MDGA2: variants seen among roughly 807,000 people sequenced by gnomAD.
MDGA2 encodes the protein MAM domain-containing glycosylphosphatidylinositol anchor protein 2.
MDGA2 carries 40 observed loss-of-function variants against 117.8 expected under a neutral mutation model. That is an observed-to-expected ratio of 0.34 (90% CI 0.26 to 0.44). The LOEUF (loss-of-function observed/expected upper bound fraction) is 0.44, where lower values mean the gene tolerates loss of function less well. MDGA2 is among the 20% of genes least tolerant of loss of function. MDGA2 has a pLI of 1.00. For missense variants in MDGA2, 1,123 were observed against 1,250.6 expected (o/e 0.90, Z 1.54); for synonymous variants, 452 against 439.0 (o/e 1.03, Z -0.37).
At chr14:47,021,390 C>T (rs1254775784) in intron 8 of MDGA2, among the ~76,000 whole-genome samples, 2 of 152,104 alleles carry the variant, frequency 1.3e-5, no homozygotes, top group Admixed American at 1.3e-4. Context: ...AATTTTAATT[C>T]ATCGGGCACT....
intron 1 of MDGA2, among the ~76,000 whole-genome samples, chr14:47,478,047 T>C (rs890997829): frequency 6.6e-6 from 1 of 152,202 alleles, no homozygotes; most frequent in Admixed American, 6.5e-5. Flanking sequence ...TGCTGGAACA[T>C]ATTATTTTTG....
At chr14:47,363,821 A>C (rs1594817998) in intron 1 of MDGA2, among the ~76,000 whole-genome samples, 1 of 152,252 alleles carries the variant, frequency 6.6e-6, no homozygotes, top group South Asian at 2.1e-4. Context: ...AGAAAGAGAA[A>C]GCCAAAATAG....
chr14:47,663,754 T>A (rs1235076323), intron 1 of MDGA2, among the ~76,000 whole-genome samples: 2 of 152,214 alleles, frequency 1.3e-5, no homozygotes, highest in Non-Finnish European at 2.9e-5. Flanking sequence ...TGGTTTATCC[T>A]CATTTTCTGT....
At chr14:47,421,914 A>G (rs1191334706) in intron 1 of MDGA2, among the ~76,000 whole-genome samples, 2 of 151,560 alleles carry the variant, frequency 1.3e-5, no homozygotes, top group Non-Finnish European at 2.9e-5. Context: ...TTTTAAATTC[A>G]TTTTTTTTCA....
intron 1 of MDGA2, among the ~76,000 whole-genome samples, chr14:47,598,923 G>A (rs1896595037): frequency 6.6e-6 from 1 of 152,048 alleles, no homozygotes; most frequent in African/African-American, 2.4e-5. Context: ...ATAATTAGGA[G>A]AACTAACTGA....
At chr14:47,666,215 T>G (rs1897957108) in intron 1 of MDGA2, among the ~76,000 whole-genome samples, 1 of 148,676 alleles carries the variant, frequency 6.7e-6, no homozygotes, top group Non-Finnish European at 1.5e-5. Flanking sequence ...AATCTTTATG[T>G]CTAGCTAAGG....
chr14:46,915,585 T>C (rs1883867749), intron 10 of MDGA2, among the ~76,000 whole-genome samples: 1 of 152,166 alleles, frequency 6.6e-6, no homozygotes, highest in Non-Finnish European at 1.5e-5. Context: ...TTAAATCTAA[T>C]ATGAAGAAAG....
intron 1 of MDGA2, among the ~76,000 whole-genome samples, chr14:47,635,192 A>C (rs1897302813): frequency 6.6e-6 from 1 of 152,116 alleles, no homozygotes; most frequent in Non-Finnish European, 1.5e-5. Flanking sequence ...TCTACAAAGC[A>C]TGGCAAGAAA....
chr14:47,076,132 G>A (rs958722990), intron 6 of MDGA2, among the ~76,000 whole-genome samples: 13 of 151,888 alleles, frequency 8.6e-5, no homozygotes, highest in African/African-American at 3.1e-4. Context: ...ATTAGTGATG[G>A]TGCCTGATAA....
intron 1 of MDGA2, among the ~76,000 whole-genome samples, chr14:47,352,466 T>C (rs1890904669): frequency 6.6e-6 from 1 of 151,688 alleles, no homozygotes; most frequent in African/African-American, 2.4e-5. Context: ...GCTGACTCTC[T>C]TTTTGGACTC....
intron 1 of MDGA2, among the ~76,000 whole-genome samples, chr14:47,658,852 A>G (rs1159131329): frequency 1.3e-5 from 2 of 152,178 alleles, no homozygotes; most frequent in Non-Finnish European, 2.9e-5. Flanking sequence ...TCTATTTGGA[A>G]TATCTCTGAA....
intron 5 of MDGA2, among the ~76,000 whole-genome samples, chr14:47,110,562 T>G (rs551101184): frequency 6.6e-6 from 1 of 152,206 alleles, no homozygotes; most frequent in Non-Finnish European, 1.5e-5. Context: ...CTGGGGACAC[T>G]TTATCACAGT....
intron 5 of MDGA2, among the ~76,000 whole-genome samples, chr14:47,119,635 C>T (rs531836505): frequency 1.3e-5 from 2 of 152,018 alleles, no homozygotes; most frequent in African/African-American, 4.8e-5. Context: ...TCACATTGAA[C>T]TAAGTTTAAA....
Position 46,908,640 on chromosome 14 carries a change from T to C in MDGA2, c.2238+11372A>G, listed in dbSNP as rs191493980. On this transcript the variant is annotated intron_variant, in intron 10 of 16. Coordinates refer to ENST00000399232, the MANE Select transcript of MDGA2 (RefSeq NM_001113498.3). ...CCAGACATAATACATCCTCAAAATA[T>C]ATAGATTTAAACTGTATTCCAGATC... is the stretch of plus-strand genomic sequence containing the variant. Among the ~76,000 whole-genome samples the C allele has an allele frequency of 9.9e-5, 15 of 152,274 alleles. No individual in the cohort carries two copies. In the East Asian group the frequency reaches 2.3e-3, roughly 24 times the overall value.
At chr14:46,849,080 T>A (rs951961786) in intron 15 of MDGA2, among the ~76,000 whole-genome samples, 1 of 152,036 alleles carries the variant, frequency 6.6e-6, no homozygotes, top group Admixed American at 6.6e-5. Flanking sequence ...TTTAGACATT[T>A]TGTTTAAATA....
intron 15 of MDGA2, among the ~76,000 whole-genome samples, chr14:46,850,010 T>A (rs1880997832): frequency 6.6e-6 from 1 of 151,876 alleles, no homozygotes; most frequent in African/African-American, 2.4e-5. Flanking sequence ...CACTATTATT[T>A]AAAATTATTT....
At chr14:47,222,157 G>T (rs942627710) in intron 2 of MDGA2, among the ~76,000 whole-genome samples, 1 of 151,784 alleles carries the variant, frequency 6.6e-6, no homozygotes, top group Admixed American at 6.6e-5. Flanking sequence ...ACAAGCTTGC[G>T]TACAGTTAAC....
intron 1 of MDGA2, among the ~76,000 whole-genome samples, chr14:47,605,731 C>T (rs1261379256): frequency 6.6e-6 from 1 of 152,132 alleles, no homozygotes; most frequent in Non-Finnish European, 1.5e-5. Flanking sequence ...AAATTGAGGA[C>T]TGATAATCCC....
intron 9 of MDGA2, among the ~76,000 whole-genome samples, chr14:46,952,198 G>A (rs530224568): frequency 9.9e-5 from 15 of 151,390 alleles, no homozygotes; most frequent in South Asian, 2.1e-4. Flanking sequence ...ATTAATTGAC[G>A]GTGAAGCAAT....
Sources: allele counts gnomAD v4.1 joint callset (sites outside exome capture counted in the v4.1 genomes callset), GRCh38; gene constraint gnomAD v4.1.1; transcripts MANE v1.5; gene names NCBI Gene and HGNC (gene_info 2026-07-23, HGNC 2026-07-21).